The following ABTB3 variants were observed in gnomAD, a reference collection of about 807,000 sequenced individuals.
ABTB3 encodes ankyrin repeat and BTB domain containing 3, also known as ankyrin repeat- and BTB/POZ domain-containing protein 3.
chr12:107,506,482 G>C, the ABTB3 span, among the ~76,000 whole-genome samples: 1 of 151,264 alleles, frequency 6.6e-6, no homozygotes, highest in East Asian at 1.9e-4. Context: ...TATTTCTATA[G>C]AAAACTAGGC....
At chr12:107,528,225 A>G in the ABTB3 span, among the ~76,000 whole-genome samples, 1 of 152,272 alleles carries the variant, frequency 6.6e-6, no homozygotes, top group Admixed American at 6.5e-5. Flanking sequence ...TTAGAGTAGC[A>G]TTTCCCCAAG....
chr12:107,483,476 G>A, the ABTB3 span, among the ~76,000 whole-genome samples: 3 of 152,128 alleles, frequency 2.0e-5, no homozygotes, highest in South Asian at 2.1e-4. Flanking sequence ...CATTGCAGAC[G>A]CTCCCTGCCT....
chr12:107,528,313 G>A, the ABTB3 span, among the ~76,000 whole-genome samples: 1 of 152,074 alleles, frequency 6.6e-6, no homozygotes, highest in African/African-American at 2.4e-5. Context: ...ATGAGTACTA[G>A]GACAATATGA....
chr12:107,452,685 C>CA, the ABTB3 span, among the ~76,000 whole-genome samples: 1 of 151,876 alleles, frequency 6.6e-6, no homozygotes, highest in Admixed American at 6.6e-5. Context: ...AGTAAAAATA[C>CA]AAAAAAATTA....
the ABTB3 span, among the ~76,000 whole-genome samples, chr12:107,505,298 G>A: frequency 6.6e-6 from 1 of 152,058 alleles, no homozygotes; most frequent in Non-Finnish European, 1.5e-5. Flanking sequence ...GAAAGGAGAC[G>A]TAATGAATCA....
chr12:107,655,137 T>C, the ABTB3 span, among the ~76,000 whole-genome samples: 1 of 152,136 alleles, frequency 6.6e-6, no homozygotes, highest in Non-Finnish European at 1.5e-5. Context: ...CTCTTCAAGT[T>C]CGTTGTCAGG....
chr12:107,657,542 G>A, the ABTB3 span: 53 of 1,614,166 alleles, frequency 3.3e-5, no homozygotes, highest in Admixed American at 1.8e-4. Flanking sequence ...AGCATATTGC[G>A]AAGGCTACTT....
the ABTB3 span, among the ~76,000 whole-genome samples, chr12:107,616,772 T>A: frequency 6.6e-6 from 1 of 152,210 alleles, no homozygotes; most frequent in Non-Finnish European, 1.5e-5. Flanking sequence ...TATATATGTA[T>A]ACATCTCCTG....
At chr12:107,352,766 A>G in the ABTB3 span, among the ~76,000 whole-genome samples, 956 of 152,120 alleles carry the variant, frequency 6.3e-3, 4 homozygotes, top group Middle Eastern at 0.044. Flanking sequence ...GAGGGGATGT[A>G]GAGTCAGGGC....
At chr12:107,654,821 C>T in the ABTB3 span, among the ~76,000 whole-genome samples, 360 of 111,498 alleles carry the variant, frequency 3.2e-3, 4 homozygotes, top group East Asian at 0.036. Flanking sequence ...TGTATACACA[C>T]ACACACACAC....
chr12:107,369,723 T>G, the ABTB3 span, among the ~76,000 whole-genome samples: 6 of 148,028 alleles, frequency 4.1e-5, no homozygotes, highest in East Asian at 2.0e-4. Flanking sequence ...TTTTTTTTTT[T>G]TTTTTTTTTT....
the ABTB3 span, among the ~76,000 whole-genome samples, chr12:107,401,850 T>C: frequency 1.3e-5 from 2 of 151,856 alleles, no homozygotes; most frequent in South Asian, 2.1e-4. Flanking sequence ...TTTAAAATCC[T>C]ATGTGTGTAG....
At chr12:107,319,735 G>C in the ABTB3 span, 3 of 1,527,352 alleles carry the variant, frequency 2.0e-6, no homozygotes, top group Non-Finnish European at 2.6e-6. Flanking sequence ...GTGGCCCTGG[G>C]TCAGGCTCGG....
the ABTB3 span, among the ~76,000 whole-genome samples, chr12:107,537,794 G>T: frequency 6.6e-6 from 1 of 152,132 alleles, no homozygotes; most frequent in African/African-American, 2.4e-5. Flanking sequence ...AGATTCACAG[G>T]AATTCCAGCC....
the ABTB3 span, among the ~76,000 whole-genome samples, chr12:107,461,376 T>A: frequency 6.6e-6 from 1 of 151,732 alleles, no homozygotes; most frequent in Non-Finnish European, 1.5e-5. Context: ...CAGACACAGA[T>A]GGAAGAAGGC....
chr12:107,350,677 C>A, the ABTB3 span, among the ~76,000 whole-genome samples: 1 of 152,158 alleles, frequency 6.6e-6, no homozygotes, highest in African/African-American at 2.4e-5. Context: ...TCCAAAGCAT[C>A]TCTTTGGGTA....
At chr12:107,397,211 C>G in the ABTB3 span, among the ~76,000 whole-genome samples, 2 of 152,132 alleles carry the variant, frequency 1.3e-5, no homozygotes, top group Non-Finnish European at 2.9e-5. Context: ...CCAAACAGGC[C>G]GTTTGCACTG....
the ABTB3 span, among the ~76,000 whole-genome samples, chr12:107,372,492 T>C: frequency 1.3e-5 from 2 of 152,190 alleles, no homozygotes; most frequent in African/African-American, 4.8e-5. Context: ...ACTGAGAGGT[T>C]GGATAGAGCC....
At chr12:107,616,817 G>C in the ABTB3 span, among the ~76,000 whole-genome samples, 96 of 152,348 alleles carry the variant, frequency 6.3e-4, no homozygotes, top group African/African-American at 2.3e-3. Flanking sequence ...TCATTCAGTA[G>C]ACCTGGGTGG....
Sources: gnomAD v4.1 joint callset for allele counts (sites outside exome capture counted in the v4.1 genomes callset) on GRCh38, gnomAD v4.1.1 for gene constraint, MANE v1.5 for transcripts, NCBI Gene and HGNC (gene_info 2026-07-23, HGNC 2026-07-21) for gene names.